Variants in APLF observed in about 807,000 individuals in gnomAD.
APLF encodes the protein aprataxin and PNKP like factor, also known as aprataxin and PNK-like factor.
APLF carries 61 observed loss-of-function variants against 55.6 expected under a neutral mutation model. The observed-to-expected ratio is 1.10, with a 90% CI of 0.89 to 1.36. The LOEUF (loss-of-function observed/expected upper bound fraction) is 1.36, where lower values mean the gene tolerates loss of function less well. APLF is among the 40% of genes most tolerant of loss of function. The probability of loss-of-function intolerance (pLI) is 0.00; values close to 1 mark genes in which losing one functional copy is unlikely to be tolerated. For synonymous variants in APLF, 207 were observed against 214.8 expected (o/e 0.96, Z 0.32); for missense variants, 611 against 602.5 (o/e 1.01, Z -0.15).
At chr2:68,518,166 GTAATA>G (rs200054358) in intron 5 of APLF, among the ~76,000 whole-genome samples, 10,329 of 121,284 alleles carry the variant, frequency 0.085, 486 homozygotes, top group Middle Eastern at 0.2. Context: ...ATGTATAATA[GTAATA>G]TAATATATTA....
intron 5 of APLF, among the ~76,000 whole-genome samples, chr2:68,520,748 C>T (rs1318251215): frequency 6.6e-6 from 1 of 151,918 alleles, no homozygotes; most frequent in Non-Finnish European, 1.5e-5. Flanking sequence ...TAATGTGATG[C>T]CTCCGGATTT....
chr2:68,522,640 C>T (rs1669926217), intron 5 of APLF, among the ~76,000 whole-genome samples: 1 of 151,640 alleles, frequency 6.6e-6, no homozygotes, highest in Non-Finnish European at 1.5e-5. Context: ...GTTGATAATT[C>T]TGGCAGAGGA....
intron 1 of APLF, among the ~76,000 whole-genome samples, chr2:68,468,983 T>A (rs1245813961): frequency 2.4e-5 from 3 of 124,532 alleles, no homozygotes; most frequent in African/African-American, 8.7e-5. Context: ...AAGCTGGTCC[T>A]AAAGGGGTGT....
At chr2:68,567,839 G>A (rs975882917) in intron 9 of APLF, among the ~76,000 whole-genome samples, 2 of 152,090 alleles carry the variant, frequency 1.3e-5, no homozygotes, top group African/African-American at 4.8e-5. Context: ...CTTCCAACGA[G>A]GGACTTTATG....
chr2:68,467,904 C>A, intron 1 of APLF, 77 bp downstream of exon 1: 1 of 1,127,404 alleles, frequency 8.9e-7, no homozygotes, highest in Non-Finnish European at 1.1e-6. Context: ...GGCCCTAGTC[C>A]TGGCCGGTTT....
intron 1 of APLF, among the ~76,000 whole-genome samples, chr2:68,487,031 G>A (rs1204069745): frequency 6.6e-6 from 1 of 152,036 alleles, no homozygotes; most frequent in Non-Finnish European, 1.5e-5. Flanking sequence ...ACCAACATCA[G>A]TCATTTTCTT....
intron 5 of APLF, among the ~76,000 whole-genome samples, chr2:68,518,022 A>T (rs1370564699): frequency 2.9e-5 from 4 of 138,796 alleles, no homozygotes; most frequent in Non-Finnish European, 3.1e-5. Flanking sequence ...ATATATCACT[A>T]ATATATAATA....
At chr2:68,562,451 T>C (rs995771584) in intron 8 of APLF, among the ~76,000 whole-genome samples, 2 of 152,034 alleles carry the variant, frequency 1.3e-5, no homozygotes, top group African/African-American at 4.8e-5. Context: ...TCTCATGCCC[T>C]CCAGCCGCTG....
At chr2:68,559,040 AC>A (rs770020404) in intron 8 of APLF, among the ~76,000 whole-genome samples, 1 of 152,184 alleles carries the variant, frequency 6.6e-6, no homozygotes, top group Non-Finnish European at 1.5e-5. Context: ...CTTCTTTATG[AC>A]AAAGTGATAA....
In APLF at chr2:68,526,259, C is replaced by T; in HGVS notation, c.804+17C>T. 6.3e-7 allele frequency: 1 copy of T among 1,593,096 alleles called. No individual in the cohort carries two copies. The highest frequency in any genetic ancestry group is 8.5e-7 in the Non-Finnish European group (1 of 1,170,878). ...TCATCCAAGGTGATTTTAAAAAATT[C>T]ATTATTTGATTGTTTTTTTGTTAGG... On this transcript the variant is annotated intron_variant, in intron 6 of 9. Transcript: ENST00000303795.
chr2:68,548,347 A>G (rs1419617855), intron 8 of APLF, among the ~76,000 whole-genome samples: 1 of 151,976 alleles, frequency 6.6e-6, no homozygotes, highest in African/African-American at 2.4e-5. Flanking sequence ...TGCAACCCAC[A>G]TAATTGACAG....
chr2:68,491,458 G>A (rs1052071923), intron 2 of APLF, among the ~76,000 whole-genome samples: 1 of 152,104 alleles, frequency 6.6e-6, no homozygotes, highest in Non-Finnish European at 1.5e-5. Context: ...AACTATCTAT[G>A]GCATATCTAG....
At chr2:68,502,144 A>C (rs1676741174) in intron 2 of APLF, among the ~76,000 whole-genome samples, 1 of 152,164 alleles carries the variant, frequency 6.6e-6, no homozygotes, top group Admixed American at 6.6e-5. Context: ...TAATCCATTC[A>C]TGAGGACATT....
intron 5 of APLF, among the ~76,000 whole-genome samples, chr2:68,523,665 A>G (rs552564236): frequency 1.3e-5 from 2 of 152,038 alleles, no homozygotes; most frequent in South Asian, 4.1e-4. Flanking sequence ...TAGTATTAGT[A>G]TAACAGCTCA....
intron 9 of APLF, among the ~76,000 whole-genome samples, chr2:68,574,690 A>G (rs534976829): frequency 2.0e-5 from 3 of 152,334 alleles, no homozygotes; most frequent in African/African-American, 7.2e-5. Flanking sequence ...TTCTGAGTAA[A>G]CAAACAAAAT....
intron 8 of APLF, among the ~76,000 whole-genome samples, chr2:68,566,649 G>A (rs1671318781): frequency 6.6e-6 from 1 of 152,078 alleles, no homozygotes; most frequent in Non-Finnish European, 1.5e-5. Flanking sequence ...TGGTCATGAT[G>A]AATCTGTTGC....
intron 8 of APLF, among the ~76,000 whole-genome samples, chr2:68,564,550 ATTAT>A (rs1243772919): frequency 1.3e-5 from 2 of 152,108 alleles, no homozygotes; most frequent in Admixed American, 6.6e-5. Context: ...AAAGGCTAAC[ATTAT>A]TTATTTAACA....
intron 3 of APLF, among the ~76,000 whole-genome samples, chr2:68,512,675 A>G (rs1224094594): frequency 1.3e-5 from 2 of 151,762 alleles, no homozygotes; most frequent in African/African-American, 4.8e-5. Flanking sequence ...GTCAACTTAA[A>G]CTCAGGATTT....
chr2:68,488,947 A>G (rs1362308563), intron 1 of APLF, among the ~76,000 whole-genome samples: 1 of 152,110 alleles, frequency 6.6e-6, no homozygotes, highest in African/African-American at 2.4e-5. Flanking sequence ...CATTGTGCAC[A>G]TGTACCCTAA....
Sources: allele counts gnomAD v4.1 joint callset (sites outside exome capture counted in the v4.1 genomes callset), GRCh38; gene constraint gnomAD v4.1.1; transcripts MANE v1.5; gene names NCBI Gene and HGNC (gene_info 2026-07-23, HGNC 2026-07-21).